Variants in SAMD5 observed in about 807,000 individuals in gnomAD.
SAMD5 encodes sterile alpha motif domain containing 5, also known as sterile alpha motif domain-containing protein 5.
SAMD5 carries 13 observed loss-of-function variants against 11.3 expected under a neutral mutation model. The observed-to-expected ratio is 1.15, with a 90% CI of 0.75 to 1.83. SAMD5 has a LOEUF of 1.83. Ranked by LOEUF, SAMD5 falls within the 40% of genes most tolerant of loss-of-function variation. The probability of loss-of-function intolerance (pLI) is 0.00; values close to 1 mark genes in which losing one functional copy is unlikely to be tolerated. For synonymous variants in SAMD5, 129 were observed against 111.3 expected, an observed-to-expected ratio of 1.16 and a Z score of -1.00; for missense variants, 255 against 239.1, an observed-to-expected ratio of 1.07 and a Z score of -0.44.
At chr6:147,640,919 G>A (rs1281776953) in intron 1 of SAMD5, among the ~76,000 whole-genome samples, 1 of 152,140 alleles carries the variant, frequency 6.6e-6, no homozygotes, top group African/African-American at 2.4e-5. Context: ...TTAATTTAAT[G>A]TTAGCTTCCC....
At chr6:147,892,324 T>C in the SAMD5 span, among the ~76,000 whole-genome samples, 2 of 152,236 alleles carry the variant, frequency 1.3e-5, no homozygotes, top group Non-Finnish European at 2.9e-5. Flanking sequence ...AACTTCTGAA[T>C]GTAAAAATTG....
chr6:147,647,210 C>T (rs1026626922), intron 1 of SAMD5, among the ~76,000 whole-genome samples: 1 of 151,938 alleles, frequency 6.6e-6, no homozygotes, highest in Non-Finnish European at 1.5e-5. Flanking sequence ...ATTTATTACT[C>T]ATTAAGTAAA....
the SAMD5 span, among the ~76,000 whole-genome samples, chr6:147,788,650 T>C: frequency 2.8e-4 from 42 of 152,226 alleles, no homozygotes; most frequent in African/African-American, 9.6e-4. Flanking sequence ...GTTAAGAATA[T>C]GAGTGAAGTT....
chr6:147,606,090 A>G (rs780513718), intron 1 of SAMD5, among the ~76,000 whole-genome samples: 3 of 152,176 alleles, frequency 2.0e-5, no homozygotes, highest in East Asian at 1.9e-4. Context: ...ATTCTGCTCA[A>G]TAAAAGGAAG....
chr6:147,746,042 A>C, the SAMD5 span, among the ~76,000 whole-genome samples: 1 of 152,154 alleles, frequency 6.6e-6, no homozygotes, highest in Non-Finnish European at 1.5e-5. Flanking sequence ...ATATCCAGCC[A>C]GCAAGTTACT....
intron 1 of SAMD5, among the ~76,000 whole-genome samples, chr6:147,512,198 T>C (rs914209581): frequency 1.3e-5 from 2 of 152,172 alleles, no homozygotes; most frequent in African/African-American, 4.8e-5. Flanking sequence ...CCTCAGGTGA[T>C]CCAGCCACCT....
intron 1 of SAMD5, among the ~76,000 whole-genome samples, chr6:147,576,520 A>T (rs1206335357): frequency 2.0e-5 from 3 of 152,082 alleles, no homozygotes. Flanking sequence ...GGTACAGTGG[A>T]AAGGGGGTGG....
Position 147,635,821 on chromosome 6 carries a change from C to A in SAMD5, c.163-101496C>A, listed in dbSNP as rs141276399. Among the ~76,000 whole-genome samples, 344 of 152,314 alleles carry A rather than the reference C, an allele frequency of 2.3e-3. 2 individuals are homozygous for A. Among genetic ancestry groups the A allele is most frequent in the African/African-American group, 8.0e-3 (331 of 41,576 alleles). Reference sequence around the variant, plus strand: ...CGTATGGAGCCGATTTGAAACAACCCCTCTGGGGCCAACACAGCTGACTTT... The same window carrying A: ...CGTATGGAGCCGATTTGAAACAACCACTCTGGGGCCAACACAGCTGACTTT... On this transcript the variant is annotated intron_variant, in intron 1 of 1. Transcript: ENST00000566741.
chr6:147,934,971 A>G, the SAMD5 span, among the ~76,000 whole-genome samples: 2 of 152,142 alleles, frequency 1.3e-5, no homozygotes, highest in Admixed American at 6.5e-5. Flanking sequence ...GAGCTCATTC[A>G]GGTTTCAGAC....
At chr6:147,806,009 T>G in the SAMD5 span, among the ~76,000 whole-genome samples, 2 of 152,052 alleles carry the variant, frequency 1.3e-5, no homozygotes, top group African/African-American at 4.8e-5. Flanking sequence ...TCAGAGTTCA[T>G]CTGGGGACCA....
chr6:147,824,150 G>A, the SAMD5 span, among the ~76,000 whole-genome samples: 2 of 152,118 alleles, frequency 1.3e-5, no homozygotes, highest in East Asian at 1.9e-4. Context: ...TTAGCAACTC[G>A]GAGTAGTCTG....
the SAMD5 span, among the ~76,000 whole-genome samples, chr6:147,937,920 G>A: frequency 4.6e-3 from 703 of 152,168 alleles, 1 homozygote; most frequent in Admixed American, 0.011. Context: ...CTTTTCTAGG[G>A]TCTGGTACTT....
At chr6:147,652,744 A>G (rs1339211332) in intron 1 of SAMD5, among the ~76,000 whole-genome samples, 1 of 152,214 alleles carries the variant, frequency 6.6e-6, no homozygotes. Flanking sequence ...TTTTCATTTT[A>G]TCACAATTTC....
At chr6:147,693,581 G>C (rs544157963) in intron 1 of SAMD5, among the ~76,000 whole-genome samples, 1 of 152,298 alleles carries the variant, frequency 6.6e-6, no homozygotes, top group South Asian at 2.1e-4. Context: ...TCACAATAAG[G>C]CCACAGTTCC....
At chr6:147,654,552 T>C (rs1356140649) in intron 1 of SAMD5, among the ~76,000 whole-genome samples, 1 of 152,112 alleles carries the variant, frequency 6.6e-6, no homozygotes, top group East Asian at 1.9e-4. Flanking sequence ...TACCCCTTTC[T>C]AGGCCACTAC....
At chr6:147,584,224 A>C (rs1269542601) in intron 1 of SAMD5, among the ~76,000 whole-genome samples, 1 of 152,154 alleles carries the variant, frequency 6.6e-6, no homozygotes, top group Non-Finnish European at 1.5e-5. Flanking sequence ...CCCACTAAAC[A>C]AGTAACACCC....
At chr6:147,612,485 A>T (rs958232840) in intron 1 of SAMD5, among the ~76,000 whole-genome samples, 7 of 152,224 alleles carry the variant, frequency 4.6e-5, no homozygotes, top group Non-Finnish European at 7.3e-5. Flanking sequence ...GATCAAGTCT[A>T]CACTTCATTA....
the SAMD5 span, among the ~76,000 whole-genome samples, chr6:147,746,024 G>A: frequency 6.6e-6 from 1 of 152,118 alleles, no homozygotes; most frequent in African/African-American, 2.4e-5. Context: ...TTACAGGCGT[G>A]AGCCACCATA....
intron 1 of SAMD5, among the ~76,000 whole-genome samples, chr6:147,668,863 C>T (rs756843763): frequency 5.3e-5 from 8 of 152,178 alleles, no homozygotes; most frequent in Non-Finnish European, 8.8e-5. Context: ...TATATCTATA[C>T]TAGACTGTAG....
Sources: gnomAD v4.1 joint callset for allele counts (sites outside exome capture counted in the v4.1 genomes callset) on GRCh38, gnomAD v4.1.1 for gene constraint, MANE v1.5 for transcripts, NCBI Gene and HGNC (gene_info 2026-07-23, HGNC 2026-07-21) for gene names.